SPTBN5: variants seen among roughly 807,000 people sequenced by gnomAD.
The protein encoded by SPTBN5 is spectrin beta, non-erythrocytic 5.
SPTBN5 carries 513 observed loss-of-function variants against 477.6 expected under a neutral mutation model. That is an observed-to-expected ratio of 1.07 (90% CI 1.00 to 1.16). The LOEUF (loss-of-function observed/expected upper bound fraction) is 1.16, where lower values mean the gene tolerates loss of function less well. Ranked by LOEUF, SPTBN5 falls within the 50% of genes most tolerant of loss-of-function variation. The probability of loss-of-function intolerance (pLI) is 0.00; values close to 1 mark genes in which losing one functional copy is unlikely to be tolerated. For synonymous variants in SPTBN5, 2,169 were observed against 2,011.7 expected (o/e 1.08, Z -2.09); for missense variants, 5,062 against 4,731.8 (o/e 1.07, Z -2.05).
At chr15:41,850,793 C>T (rs1020640196) in intron 66 of SPTBN5, 61 bp downstream of exon 66, 16 of 1,437,512 alleles carry the variant, frequency 1.1e-5, no homozygotes, top group Admixed American at 1.1e-4. Context: ...ACACTAGGGG[C>T]CCAGGAGCTT....
chr15:41,854,053 C>T lies in SPTBN5; in HGVS notation c.9771G>A (p.Leu3257=), dbSNP rs779400340. Residue 3257 remains leucine (L), a synonymous_variant, in exon 57 of 68, where the codon CTG becomes CTA. Coordinates refer to ENST00000320955, the MANE Select transcript of SPTBN5 (RefSeq NM_016642.4). ...GGCTGCAGGGCGTGGGCCTCACCTCCAGGCGCCTGTGCTGTTGCTGCAGGG... is the reference window on the plus strand; with the variant it reads ...GGCTGCAGGGCGTGGGCCTCACCTCTAGGCGCCTGTGCTGTTGCTGCAGGG... ...VRTLQQQHRR[L]ERELEAMEKE... 9 of 1,563,488 alleles carry T rather than the reference C, an allele frequency of 5.8e-6. No individual in the cohort carries two copies. The highest frequency in any genetic ancestry group is 5.6e-5 in the Admixed American group (3 of 53,782).
intron 16 of SPTBN5, 95 bp from the exon 17 acceptor site, chr15:41,878,724 A>G (rs1322597754): frequency 1.4e-6 from 2 of 1,387,196 alleles, no homozygotes; most frequent in Non-Finnish European, 1.9e-6. Flanking sequence ...CCCCAGGGAG[A>G]GTGGTGCTGA....
At chr15:41,887,089 G>T (rs976858880) in intron 6 of SPTBN5, 124 bp downstream of exon 6, 7 of 801,952 alleles carry the variant, frequency 8.7e-6, no homozygotes, top group Non-Finnish European at 1.5e-5. Flanking sequence ...GTGATAGAGG[G>T]TGCACAGTGA....
At chr15:41,878,772 A>G in intron 16 of SPTBN5, 143 bp from the exon 17 acceptor site, 1 of 966,584 alleles carries the variant, frequency 1.0e-6, no homozygotes, top group Non-Finnish European at 1.5e-6. Context: ...TGGGGGCAGC[A>G]AGAACATAGG....
In SPTBN5 at chr15:41,860,615, G is replaced by A; in HGVS notation, c.7959C>T (p.Ala2653=). The part of the protein sequence containing the change: ...HQGGHPEAQS[A]LGRCQAMLLR... The stretch of plus-strand genomic sequence containing the variant: ...GAAGCATGGCCTGGCACCTGCCCAG[G>A]GCACTCTGGGCCTCGGGGTGCCCAC... Residue 2653 remains alanine, a synonymous_variant, in exon 47 of 68, where the codon GCC becomes GCT. Coordinates refer to ENST00000320955, the MANE Select transcript of SPTBN5 (RefSeq NM_016642.4). 1 of 1,511,726 alleles carries A rather than the reference G, an allele frequency of 6.6e-7. No individual in the cohort carries two copies. Among genetic ancestry groups the A allele is most frequent in the East Asian group, 2.6e-5 (1 of 38,686 alleles). The allele number at this position is 1,511,726 out of a possible 1,614,324, so 93.6% of individuals were successfully genotyped here.
chr15:41,863,020 GC>G, intron 41 of SPTBN5, 117 bp from the exon 42 acceptor site: 3 of 924,530 alleles, frequency 3.2e-6, no homozygotes, highest in Non-Finnish European at 5.0e-6. Flanking sequence ...TGATTTCCTG[GC>G]CCCGACTTTG....
At chr15:41,853,531 C>T (rs534161243) in intron 58 of SPTBN5, 51 bp downstream of exon 58, 5 of 1,540,988 alleles carry the variant, frequency 3.2e-6, no homozygotes, top group East Asian at 2.3e-5. Flanking sequence ...AGCCAGGATA[C>T]CCCCACCCCA....
Position 41,865,794 on chromosome 15 carries a change from C to T in SPTBN5, c.6918+14G>A, listed in dbSNP as rs1053221483. 5 of 1,551,266 alleles carry T rather than the reference C, an allele frequency of 3.2e-6. No homozygotes were observed. The highest frequency in any genetic ancestry group is 2.7e-5 in the African/African-American group (2 of 73,126). ...GGATGCATGGCCAACCTCTACCCAGCAAGGCCCTCTTACCCCGGCCGAGTT... is the reference window on the plus strand; with the variant it reads ...GGATGCATGGCCAACCTCTACCCAGTAAGGCCCTCTTACCCCGGCCGAGTT... On this transcript the variant is annotated intron_variant, in intron 39 of 67. Coordinates refer to ENST00000320955, the MANE Select transcript of SPTBN5 (RefSeq NM_016642.4).
At position 41,875,622 on chromosome 15, in the gene SPTBN5, C is replaced by A. The variant is rs1234170884; in HGVS notation, c.4123G>T (p.Val1375Phe). The A allele has an allele frequency of 3.2e-6, 5 of 1,581,608 alleles. No individual in the cohort carries two copies. Among genetic ancestry groups the A allele is most frequent in the African/African-American group, 2.7e-5 (2 of 74,194 alleles). Residue 1375 changes from valine to phenylalanine, a missense_variant and splice_region_variant, in exon 22 of 68, where the codon GTT becomes TTT. Coordinates refer to ENST00000320955, the MANE Select transcript of SPTBN5 (RefSeq NM_016642.4). ...CTCCTACTCAACAGCTCTCTCCCAA[C>A]CTGGAGTGGAGATAAAGGCCCAGGG... ...TRRHVEALQQ[V>F]GRELLSRRPC...
intron 12 of SPTBN5, 46 bp downstream of exon 12, chr15:41,881,890 G>A: frequency 1.4e-6 from 2 of 1,480,168 alleles, no homozygotes; most frequent in East Asian, 2.7e-5. Flanking sequence ...GCCCAGCCGC[G>A]GTGGAGCAAG....
At position 41,882,595 on chromosome 15, in the gene SPTBN5, T is replaced by G. The variant is rs1357095873; in HGVS notation, c.2036A>C (p.Gln679Pro). The G allele has an allele frequency of 2.5e-6, 4 of 1,601,922 alleles. No individual in the cohort carries two copies. The highest frequency in any genetic ancestry group is 3.4e-6 in the Non-Finnish European group (4 of 1,175,680). Reference sequence around the variant, plus strand: ...TCGGGGAGCTGACACCTTGTGTTTCTGCAGGGCGCCTGCGATCTGGCTGAG... The same window carrying G: ...TCGGGGAGCTGACACCTTGTGTTTCGGCAGGGCGCCTGCGATCTGGCTGAG... ...RDLSQIAGAL[Q>P]KHKALEAEVH... The change falls in exon 10 of 68, where the codon CAG becomes CCG. Residue 679 changes from glutamine to proline, a missense_variant. By Grantham distance (76) the Gln-to-Pro change is moderately conservative. Transcript: ENST00000320955.
chr15:41,881,265 C>T (rs565680512), intron 12 of SPTBN5, 31 bp from the exon 13 acceptor site: 27 of 1,558,776 alleles, frequency 1.7e-5, no homozygotes, highest in Admixed American at 3.8e-5. Context: ...CGTCTACAGG[C>T]GACCCCATCA....
chr15:41,872,476 C>A lies in SPTBN5; in HGVS notation c.5008-17G>T. 13 of 1,546,204 alleles carry A rather than the reference C, an allele frequency of 8.4e-6. No homozygotes were observed. The highest frequency in any genetic ancestry group is 1.1e-5 in the Non-Finnish European group (13 of 1,144,016). The stretch of plus-strand genomic sequence containing the variant: ...CTGTAGAGCCTATGATGCATGAGGA[C>A]CCATGCCAGGCTCAGCCTGGGTGAC... On this transcript the variant is annotated splice_polypyrimidine_tract_variant and intron_variant, in intron 26 of 67. Coordinates refer to ENST00000320955, the MANE Select transcript of SPTBN5 (RefSeq NM_016642.4).
chr15:41,852,274 C>T lies in SPTBN5; in HGVS notation c.10492G>A (p.Gly3498Arg), dbSNP rs778000440. Residue 3498 changes from glycine to arginine, a missense_variant, in exon 62 of 68, where the codon GGG (glycine) becomes AGG (arginine). Coordinates refer to ENST00000320955, the MANE Select transcript of SPTBN5 (RefSeq NM_016642.4). ...LLLQPQELKPGRAGSSLTSFQ... is the reference protein window; with the variant it reads ...LLLQPQELKPRRAGSSLTSFQ... ...GATGTCAGCGAGCTGCCAGCTCTCC[C>T]GGGCTTCAGCTCCTGTGGCTGCAGC... The T allele has an allele frequency of 2.1e-5, 34 of 1,603,784 alleles. No homozygotes were observed. Among genetic ancestry groups the T allele is most frequent in the Non-Finnish European group, 2.9e-5 (34 of 1,175,250 alleles).
In SPTBN5 at chr15:41,858,865, G is replaced by A. The variant is rs117801036; in HGVS notation, c.8079+25C>T. On this transcript the variant is annotated intron_variant, in intron 48 of 67. Coordinates refer to ENST00000320955, the MANE Select transcript of SPTBN5 (RefSeq NM_016642.4). ...GGTCGACTCCTTCCCCACCATGACC[G>A]CCTCCCTCTCCAAGCGAGGCGAACC... The A allele has an allele frequency of 1.2e-3, 1,827 of 1,556,736 alleles. 38 individuals are homozygous for A. The East Asian group carries it at 0.034, about 29-fold the overall frequency.
chr15:41,863,644 G>A, intron 41 of SPTBN5, 60 bp downstream of exon 41: 4 of 1,359,708 alleles, frequency 2.9e-6, no homozygotes, highest in Non-Finnish European at 2.1e-6. Context: ...TCTAGGCAGT[G>A]CCCCCTCCCC....
In SPTBN5 at chr15:41,862,210, G is replaced by A. The variant is rs771798351; in HGVS notation, c.7468C>T (p.Arg2490Trp). 7.1e-5 allele frequency: 114 copies of A among 1,611,162 alleles called. No individual in the cohort carries two copies. In the East Asian group the frequency reaches 1.1e-3, roughly 16 times the overall value. Residue 2490 changes from arginine to tryptophan, a missense_variant, in exon 44 of 68, where the codon CGG becomes TGG. Arg to Trp is a moderately radical substitution (Grantham distance 101). Coordinates refer to ENST00000320955, the MANE Select transcript of SPTBN5 (RefSeq NM_016642.4). Reference sequence around the variant, plus strand: ...GCGGGGCTCGTGTCCATCTGAGCCCGCAGCCTCTGGGCGCTGACCAGCAAT... The same window carrying A: ...GCGGGGCTCGTGTCCATCTGAGCCCACAGCCTCTGGGCGCTGACCAGCAAT... Reference protein sequence around the residue: ...QELLVSAQRLRAQMDTSPAPR... With the variant: ...QELLVSAQRLWAQMDTSPAPR...
rs377196221 is a variant in SPTBN5 at position 41,887,210 on chromosome 15, C to G, written c.888+3G>C. ...CTCACCCCACCCCTCCTTTCTCCCC[C>G]ACCTTAGTGAGTCTCCTCTGGACAG... On this transcript the variant is annotated splice_donor_region_variant and intron_variant, in intron 6 of 67. Transcript: ENST00000320955. 3.0e-5 allele frequency: 46 copies of G among 1,551,312 alleles called. No homozygotes were observed. The African/African-American group carries it at 4.5e-4, about 15-fold the overall frequency.
chr15:41,866,428 T>G lies in SPTBN5; in HGVS notation c.6546A>C (p.Arg2182Ser). The G allele has an allele frequency of 6.2e-7, 1 of 1,610,956 alleles. No homozygotes were observed. Among genetic ancestry groups the G allele is most frequent in the South Asian group, 1.1e-5 (1 of 90,566 alleles). Residue 2182 changes from arginine to serine, a missense_variant, in exon 37 of 68, where the codon AGA becomes AGC. Transcript: ENST00000320955. ...GTTTCAGCAGGGGCTTCAGCTTATC[T>G]CTCAGGTCCCCAGGAGGGACCGGCT... ...LKEPVPPGDL[R>S]DKLKPLLKHQ...
Sources: allele counts gnomAD v4.1 joint callset, GRCh38; gene constraint gnomAD v4.1.1; transcripts MANE v1.5; gene names NCBI Gene and HGNC (gene_info 2026-07-23, HGNC 2026-07-21).